The following CNTN3 variants were observed in gnomAD, a reference collection of about 807,000 sequenced individuals.
CNTN3 encodes contactin 3.
Under a neutral mutation model 119.1 loss-of-function variants are expected in CNTN3, and 60 were observed. That is an observed-to-expected ratio of 0.50 (90% CI 0.41 to 0.62). The LOEUF is 0.62. Among genes scored for constraint, CNTN3 ranks in the 20% least tolerant of loss-of-function variants. CNTN3 has a pLI of 0.00. For missense variants in CNTN3, 1,101 were observed against 1,242.4 expected, an observed-to-expected ratio of 0.89 and a Z score of 1.71; for synonymous variants, 450 against 438.7, an observed-to-expected ratio of 1.03 and a Z score of -0.32.
At position 74,537,322 on chromosome 3, in the gene CNTN3, C is replaced by T. The variant is rs183761591; in HGVS notation, c.-80-16130G>A. 3.8e-3 allele frequency among the ~76,000 whole-genome samples: 580 copies of T among 152,228 alleles called. 6 individuals carry two copies. The highest frequency in any genetic ancestry group is 0.014 in the African/African-American group (562 of 41,540). ...TGAACATCAGATTTAGGGAAGTAGT[C>T]GCCACGCTTGGCTCCATATCAGACC... On this transcript the variant is annotated intron_variant, in intron 1 of 22. Coordinates refer to ENST00000263665, the MANE Select transcript of CNTN3 (RefSeq NM_020872.3).
chr3:74,461,365 A>G (rs1471166389), intron 4 of CNTN3, among the ~76,000 whole-genome samples: 1 of 152,066 alleles, frequency 6.6e-6, no homozygotes, highest in Non-Finnish European at 1.5e-5. Flanking sequence ...AATTAATTGC[A>G]ATATAAAATA....
chr3:74,418,521 T>C (rs1701564140), intron 5 of CNTN3, among the ~76,000 whole-genome samples: 1 of 151,610 alleles, frequency 6.6e-6, no homozygotes. Context: ...TTTGTATTTT[T>C]AGTGAGACGG....
chr3:74,380,194 G>A (rs894438277), intron 5 of CNTN3, among the ~76,000 whole-genome samples: 4 of 152,202 alleles, frequency 2.6e-5, no homozygotes, highest in African/African-American at 9.7e-5. Context: ...ATGCTAGAAA[G>A]CAATCTTAAG....
At chr3:74,602,212 C>T (rs1229867286) in intron 1 of CNTN3, among the ~76,000 whole-genome samples, 1 of 146,996 alleles carries the variant, frequency 6.8e-6, no homozygotes, top group East Asian at 2.1e-4. Context: ...TCACTTGAGC[C>T]TTAAGCCTAG....
At chr3:74,277,481 G>A (rs1200296310) in intron 20 of CNTN3, among the ~76,000 whole-genome samples, 1 of 152,046 alleles carries the variant, frequency 6.6e-6, no homozygotes, top group Non-Finnish European at 1.5e-5. Context: ...GTCAATAAAT[G>A]TGAAACACCA....
chr3:74,356,421 T>C (rs1398997915), intron 11 of CNTN3, among the ~76,000 whole-genome samples: 3 of 152,062 alleles, frequency 2.0e-5, no homozygotes, highest in African/African-American at 4.8e-5. Context: ...GCTGCAGACA[T>C]CACCTTCTCT....
In CNTN3 at chr3:74,307,321, A is replaced by G. The variant is rs557107920; in HGVS notation, c.1669-4514T>C. Among the ~76,000 whole-genome samples, 13 of 152,300 alleles carry G rather than the reference A, an allele frequency of 8.5e-5. No homozygotes were observed. The South Asian group carries it at 2.7e-3, about 32-fold the overall frequency. ...ATTTTTTCTTTTTTGTAGTTTTACA[A>G]TATCTACTAAACTTAGCTAGGATTA... On this transcript the variant is annotated intron_variant, in intron 13 of 22. Coordinates refer to ENST00000263665, the MANE Select transcript of CNTN3 (RefSeq NM_020872.3).
chr3:74,475,194 C>A (rs1702633363), intron 4 of CNTN3, among the ~76,000 whole-genome samples: 1 of 152,130 alleles, frequency 6.6e-6, no homozygotes, highest in African/African-American at 2.4e-5. Flanking sequence ...ACATTATTTT[C>A]CTAAGCAACA....
chr3:74,561,001 G>A (rs1447367127), intron 1 of CNTN3, among the ~76,000 whole-genome samples: 3 of 118,288 alleles, frequency 2.5e-5, no homozygotes, highest in African/African-American at 3.3e-5. Context: ...ACAGGGTGGG[G>A]AACATCATAC....
chr3:74,352,217 G>C (rs544828298), intron 11 of CNTN3, among the ~76,000 whole-genome samples: 1 of 152,276 alleles, frequency 6.6e-6, no homozygotes, highest in South Asian at 2.1e-4. Flanking sequence ...TTTCTGTTTA[G>C]ACAGCATGTT....
chr3:74,527,775 C>T (rs1486427976), intron 1 of CNTN3, among the ~76,000 whole-genome samples: 1 of 151,888 alleles, frequency 6.6e-6, no homozygotes, highest in African/African-American at 2.4e-5. Context: ...AGCCTCTCCG[C>T]AATTATGGAT....
In CNTN3 at chr3:74,263,885, C is replaced by T. The variant is rs986886577; in HGVS notation, c.*516G>A. 3 of 152,074 alleles carry T rather than the reference C, an allele frequency of 2.0e-5. No homozygotes were observed. The highest frequency in any genetic ancestry group is 7.2e-5 in the African/African-American group (3 of 41,416). The allele number at this position is 152,074 out of a possible 1,614,324, so 9.4% of individuals were successfully genotyped here. A position where few individuals can be genotyped will look rare whatever the true frequency, so the allele number is the denominator to read the frequency against. Reference sequence around the variant, plus strand: ...ATCATTCTTCTAAGCCCCACAGTAGCATTTTCCAACAATGCTCTTTTGAAT... The same window carrying T: ...ATCATTCTTCTAAGCCCCACAGTAGTATTTTCCAACAATGCTCTTTTGAAT... On this transcript the variant is annotated 3_prime_UTR_variant, in exon 23 of 23. Transcript: ENST00000263665.
intron 1 of CNTN3, among the ~76,000 whole-genome samples, chr3:74,605,405 A>G (rs1704975420): frequency 6.6e-6 from 1 of 152,248 alleles, no homozygotes; most frequent in Middle Eastern, 3.4e-3. Context: ...AAATATATAT[A>G]ATTTTCCAAA....
intron 13 of CNTN3, among the ~76,000 whole-genome samples, chr3:74,333,579 C>A (rs1208206816): frequency 1.3e-5 from 2 of 152,174 alleles, no homozygotes; most frequent in Admixed American, 6.5e-5. Context: ...ATAAGGACAA[C>A]AGTTATACTG....
At chr3:74,569,867 T>A (rs1186235693) in intron 1 of CNTN3, among the ~76,000 whole-genome samples, 1 of 152,134 alleles carries the variant, frequency 6.6e-6, no homozygotes, top group Non-Finnish European at 1.5e-5. Flanking sequence ...AGAATTTAAT[T>A]CCTTGAAGTT....
Position 74,266,626 on chromosome 3 carries a change from T to C in CNTN3, c.2841A>G (p.Gln947=), listed in dbSNP as rs78035726. ...GYKVFYRTSS[Q]NNVQVLNTNK... Reference sequence around the variant, plus strand: ...TTGTGTTCAGTACTTGTACGTTATTTTGACTGCTAGTCCTATAGAAAACCT... The same window carrying C: ...TTGTGTTCAGTACTTGTACGTTATTCTGACTGCTAGTCCTATAGAAAACCT... The change falls in exon 22 of 23, where the codon CAA becomes CAG. Residue 947 remains glutamine (Q), a synonymous_variant. Transcript: ENST00000263665. The C allele has an allele frequency of 2.0e-3, 3,192 of 1,613,350 alleles. 60 individuals are homozygous for C. In the African/African-American group the frequency reaches 0.038, roughly 19 times the overall value.
chr3:74,474,869 T>C lies in CNTN3; in HGVS notation c.358+11587A>G, dbSNP rs530750920. On this transcript the variant is annotated intron_variant, in intron 4 of 22. Transcript: ENST00000263665. Reference sequence around the variant, plus strand: ...GAGTTTTGCTGAGAGATCTTAAAAGTGTGTGGTTCCTCCCCACCGTTCTCT... The same window carrying C: ...GAGTTTTGCTGAGAGATCTTAAAAGCGTGTGGTTCCTCCCCACCGTTCTCT... Among the ~76,000 whole-genome samples the C allele has an allele frequency of 2.0e-5, 3 of 152,206 alleles. 1 individual carries two copies. The East Asian group carries it at 5.8e-4, about 30-fold the overall frequency.
intron 3 of CNTN3, among the ~76,000 whole-genome samples, chr3:74,489,577 C>T (rs2107052926): frequency 6.6e-6 from 1 of 152,134 alleles, no homozygotes; most frequent in Non-Finnish European, 1.5e-5. Context: ...CTTCATGAAG[C>T]TCACATTTTT....
intron 1 of CNTN3, among the ~76,000 whole-genome samples, chr3:74,599,095 T>C (rs536349719): frequency 4.2e-4 from 64 of 152,192 alleles, no homozygotes; most frequent in African/African-American, 1.5e-3. Context: ...TGAGTGATGC[T>C]AAAAATCTGA....
Sources: allele counts gnomAD v4.1 joint callset (sites outside exome capture counted in the v4.1 genomes callset), GRCh38; gene constraint gnomAD v4.1.1; transcripts MANE v1.5; gene names NCBI Gene and HGNC (gene_info 2026-07-23, HGNC 2026-07-21).